The following CTBP2 variants were observed in gnomAD, a reference collection of about 807,000 sequenced individuals.
CTBP2 encodes C-terminal binding protein 2.
CTBP2 carries 30 observed loss-of-function variants against 80.3 expected under a neutral mutation model. The observed-to-expected ratio is 0.37, with a 90% confidence interval of 0.28 to 0.51. CTBP2 has a LOEUF of 0.51. CTBP2 is among the 20% of genes least tolerant of loss of function. The pLI, the probability that CTBP2 is intolerant of heterozygous loss-of-function variation, is 0.93. For missense variants in CTBP2, 1,212 were observed against 1,375.3 expected (o/e 0.88, Z 1.88); for synonymous variants, 594 against 587.4 (o/e 1.01, Z -0.16).
chr10:125,124,651 G>C (rs1854917179), intron 1 of CTBP2, among the ~76,000 whole-genome samples: 1 of 152,114 alleles, frequency 6.6e-6, no homozygotes, highest in Admixed American at 6.5e-5. Flanking sequence ...ACACAAACCA[G>C]TGACTCTTCC....
At chr10:125,125,067 G>T (rs966918745) in intron 1 of CTBP2, among the ~76,000 whole-genome samples, 2 of 152,160 alleles carry the variant, frequency 1.3e-5, no homozygotes, top group Non-Finnish European at 2.9e-5. Flanking sequence ...TAGCCACAGG[G>T]CTCAACACCA....
At chr10:125,092,482 T>G (rs1848920852) in intron 2 of CTBP2, among the ~76,000 whole-genome samples, 1 of 152,154 alleles carries the variant, frequency 6.6e-6, no homozygotes, top group African/African-American at 2.4e-5. Flanking sequence ...ACTCCCAGCA[T>G]TCCTTGTCTG....
intron 2 of CTBP2, among the ~76,000 whole-genome samples, chr10:125,058,658 G>T (rs1964416417): frequency 6.6e-6 from 1 of 152,142 alleles, no homozygotes; most frequent in Non-Finnish European, 1.5e-5. Context: ...CAGGTGTGGT[G>T]GCGCGGTGGG....
At position 125,066,830 on chromosome 10, in the gene CTBP2, G is replaced by A. The variant is rs1004307210; in HGVS notation, c.-101-27675C>T. 2.0e-5 allele frequency among the ~76,000 whole-genome samples: 3 copies of A among 152,174 alleles called. No individual in the cohort carries two copies. Among genetic ancestry groups the A allele is most frequent in the Non-Finnish European group, 2.9e-5 (2 of 68,024 alleles). On this transcript the variant is annotated intron_variant, in intron 2 of 10. Transcript: ENST00000337195. The surrounding 1 kb of genome is among the most constrained non-coding windows in gnomAD (Gnocchi z 4.1). ...TGTGTCGATCAGTAAATGCCTCAGG[G>A]TGAACTCGAGAATCCAGAAGTCTCC...
intron 2 of CTBP2, 57 bp from the exon 3 acceptor site, chr10:125,039,212 C>G (rs1377147904): frequency 3.3e-6 from 2 of 601,680 alleles, no homozygotes; most frequent in Non-Finnish European, 5.7e-6. Flanking sequence ...CACAGGACAA[C>G]AGCTCACTGG....
chr10:125,103,252 C>T (rs1850919901), intron 2 of CTBP2, among the ~76,000 whole-genome samples: 1 of 152,168 alleles, frequency 6.6e-6, no homozygotes, highest in Non-Finnish European at 1.5e-5. Context: ...CACTCCACAC[C>T]CCCCTGGCCC....
intron 3 of CTBP2, among the ~76,000 whole-genome samples, chr10:125,035,384 A>C (rs1958744980): frequency 6.6e-6 from 1 of 152,134 alleles, no homozygotes; most frequent in East Asian, 1.9e-4. Flanking sequence ...ATGGAGAAGC[A>C]CCCTCCCTGA....
At chr10:125,125,033 G>A (rs987499098) in intron 1 of CTBP2, among the ~76,000 whole-genome samples, 30 of 152,270 alleles carry the variant, frequency 2.0e-4, no homozygotes, top group Non-Finnish European at 3.1e-4. Context: ...ACTTGGGAGC[G>A]GTTGGTGCCA....
At chr10:124,995,526 A>C (rs1453077832) in intron 4 of CTBP2, among the ~76,000 whole-genome samples, 1 of 152,222 alleles carries the variant, frequency 6.6e-6, no homozygotes, top group East Asian at 1.9e-4. Flanking sequence ...AGGTGCAGGC[A>C]GGAGAAGGAC....
intron 1 of CTBP2, among the ~76,000 whole-genome samples, chr10:125,151,970 G>A (rs1255441515): frequency 6.6e-6 from 1 of 152,176 alleles, no homozygotes; most frequent in Admixed American, 6.5e-5. Flanking sequence ...TCCCCGCGGC[G>A]GGAAGCGGCT....
At chr10:125,021,440 C>T (rs192605769) in intron 1 of CTBP2, among the ~76,000 whole-genome samples, 177 of 152,280 alleles carry the variant, frequency 1.2e-3, no homozygotes, top group Non-Finnish European at 1.7e-3. Context: ...GTCTACGGCA[C>T]GTCCAGGAGC....
chr10:125,083,849 G>A (rs547718510), intron 2 of CTBP2, among the ~76,000 whole-genome samples: 1 of 152,196 alleles, frequency 6.6e-6, no homozygotes, highest in East Asian at 1.9e-4. Context: ...GGTGCGATCT[G>A]GGCTCACTGC....
intron 2 of CTBP2, among the ~76,000 whole-genome samples, chr10:125,049,041 C>CCACACACACACACACACACACACACA (rs1364121384): frequency 4.4e-5 from 5 of 112,410 alleles, no homozygotes; most frequent in East Asian, 3.9e-4. Flanking sequence ...GCCCGCCTGA[C>CCACACACACACACACACACACACACA]CACAGACACA....
chr10:125,001,498 C>T (rs1300626365), intron 3 of CTBP2: 1 of 152,200 alleles, frequency 6.6e-6, no homozygotes, highest in Non-Finnish European at 1.5e-5. Flanking sequence ...AGACTCACAT[C>T]TTCTGGAGTG....
intron 1 of CTBP2, among the ~76,000 whole-genome samples, chr10:125,124,970 C>T (rs1163940626): frequency 6.6e-6 from 1 of 152,210 alleles, no homozygotes; most frequent in African/African-American, 2.4e-5. Context: ...CCCCCTCCCT[C>T]CTGATAGATA....
rs990081187 is a variant in CTBP2, at chr10:125,096,196, G to A, written c.-102+14794C>T. On this transcript the variant is annotated intron_variant, in intron 2 of 10. Transcript: ENST00000337195. ...TAAGAACTCTGGCAACAAAATCCGA[G>A]TACTCAATTATGTAGCCCCACTATT... Among the ~76,000 whole-genome samples the A allele has an allele frequency of 2.7e-4, 41 of 152,142 alleles. 1 individual carries two copies. Among genetic ancestry groups the A allele is most frequent in the African/African-American group, 2.4e-5 (1 of 41,424 alleles).
chr10:125,058,489 CCT>C (rs1311687111), intron 2 of CTBP2, among the ~76,000 whole-genome samples: 1 of 152,118 alleles, frequency 6.6e-6, no homozygotes, highest in Non-Finnish European at 1.5e-5. Flanking sequence ...CAACTATTCC[CCT>C]GTTGAAATGT....
chr10:125,122,969 A>G (rs1255866980), intron 1 of CTBP2: 1 of 152,278 alleles, frequency 6.6e-6, no homozygotes, highest in African/African-American at 2.4e-5. Flanking sequence ...GAAAAATCCC[A>G]ATCCTCAAAG....
At chr10:125,132,197 G>A (rs1444239895) in intron 1 of CTBP2, among the ~76,000 whole-genome samples, 5 of 151,996 alleles carry the variant, frequency 3.3e-5, no homozygotes, top group African/African-American at 1.2e-4. Context: ...GTTGGAAAAT[G>A]CCAAACTCTA....
Sources: gnomAD v4.1 joint callset for allele counts (sites outside exome capture counted in the v4.1 genomes callset) on GRCh38, gnomAD v4.1.1 for gene constraint, Gnocchi (gnomAD v3.1) non-coding constraint, MANE v1.5 for transcripts, NCBI Gene and HGNC (gene_info 2026-07-23, HGNC 2026-07-21) for gene names.